NHSL1: variants seen among roughly 807,000 people sequenced by gnomAD.
The protein encoded by NHSL1 is NHS-like protein 1.
Under a neutral mutation model 95.0 loss-of-function variants are expected in NHSL1, and 48 were observed. The ratio of observed to expected loss-of-function variants is 0.51; its 90% CI spans 0.40 to 0.64. The LOEUF (loss-of-function observed/expected upper bound fraction) is 0.64, where lower values mean the gene tolerates loss of function less well. NHSL1 is among the 30% of genes least tolerant of loss of function. The pLI, the probability that NHSL1 is intolerant of heterozygous loss-of-function variation, is 0.00. For missense variants in NHSL1, 1,971 were observed against 2,077.7 expected (o/e 0.95, Z 1.00); for synonymous variants, 783 against 833.9 (o/e 0.94, Z 1.05).
chr6:138,437,445 C>CAAA (rs1202687511), intron 5 of NHSL1, among the ~76,000 whole-genome samples: 4 of 61,810 alleles, frequency 6.5e-5, no homozygotes, highest in East Asian at 4.4e-4. Context: ...CACACACACA[C>CAAA]AAAAAAAAAA....
At chr6:138,661,398 G>A (rs1428517885) in intron 1 of NHSL1, among the ~76,000 whole-genome samples, 1 of 152,010 alleles carries the variant, frequency 6.6e-6, no homozygotes, top group African/African-American at 2.4e-5. Context: ...GGGAGGCTGA[G>A]GCAGGAGAAT....
At chr6:138,480,998 T>C (rs1396055000) in intron 2 of NHSL1, among the ~76,000 whole-genome samples, 1 of 152,184 alleles carries the variant, frequency 6.6e-6, no homozygotes, top group Non-Finnish European at 1.5e-5. Flanking sequence ...AACTTCTATC[T>C]CAGTTAATAA....
chr6:138,543,121 T>C (rs939111840), intron 1 of NHSL1, among the ~76,000 whole-genome samples: 27 of 152,196 alleles, frequency 1.8e-4, no homozygotes, highest in African/African-American at 6.5e-4. Flanking sequence ...CTATTAATCA[T>C]ATTATTCGCT....
intron 1 of NHSL1, among the ~76,000 whole-genome samples, chr6:138,539,315 A>G (rs1782486992): frequency 6.6e-6 from 1 of 152,230 alleles, no homozygotes; most frequent in Non-Finnish European, 1.5e-5. Flanking sequence ...AAAGACCCTC[A>G]GGTTGTTTTC....
chr6:138,634,023 T>C (rs1319145653), intron 1 of NHSL1, among the ~76,000 whole-genome samples: 1 of 152,096 alleles, frequency 6.6e-6, no homozygotes, highest in Non-Finnish European at 1.5e-5. Flanking sequence ...TGGGTTATAA[T>C]ATTTACATGC....
chr6:138,564,039 A>C (rs2114336503), intron 1 of NHSL1, among the ~76,000 whole-genome samples: 1 of 152,216 alleles, frequency 6.6e-6, no homozygotes, highest in South Asian at 2.1e-4. Flanking sequence ...AGCCAACTTT[A>C]CTAATTGGTC....
chr6:138,573,777 C>T (rs1783917722), upstream of NHSL1, among the ~76,000 whole-genome samples: 1 of 152,220 alleles, frequency 6.6e-6, no homozygotes, highest in African/African-American at 2.4e-5. Context: ...TATGTTCATA[C>T]CCAATGTCAC....
At chr6:138,425,959 CAAAG>C (rs1350414590) in intron 7 of NHSL1, among the ~76,000 whole-genome samples, 1 of 152,180 alleles carries the variant, frequency 6.6e-6, no homozygotes, top group African/African-American at 2.4e-5. Context: ...AAGGGGCAAT[CAAAG>C]AAAGCTGAAG....
Position 138,432,612 on chromosome 6 carries a change from G to C in NHSL1, c.1733C>G (p.Pro578Arg). Residue 578 changes from proline (P) to arginine (R), a missense_variant, in exon 6 of 8, where the codon CCC (proline) becomes CGC (arginine). Pro to Arg is a moderately radical substitution (Grantham distance 103). Around this residue, in one of 3 missense-constraint regions of NHSL1, gnomAD observed 1,602 missense variants for 1,654.5 expected, o/e 0.97. Transcript: ENST00000343505. This position sits in a 1 kb window ranked among gnomAD's most constrained non-coding sequence, Gnocchi z 4.4. ...PHLATPGYSTPTSNMSSCSLD... is the reference protein window; with the variant it reads ...PHLATPGYSTRTSNMSSCSLD... ...ACTGCAGCTGCTCATGTTACTTGTG[G>C]GAGTGGAATAGCCAGGAGTTGCTAA... is the stretch of plus-strand genomic sequence containing the variant. 1 of 1,551,696 alleles carries C rather than the reference G, an allele frequency of 6.4e-7. No homozygotes were observed. Among genetic ancestry groups the C allele is most frequent in the African/African-American group, 1.4e-5 (1 of 73,142 alleles).
At position 138,432,180 on chromosome 6, in the gene NHSL1, T is replaced by C. The variant is rs1775735334; in HGVS notation, c.2165A>G (p.Gln722Arg). 1.4e-5 allele frequency: 22 copies of C among 1,546,916 alleles called. No individual in the cohort carries two copies. The highest frequency in any genetic ancestry group is 1.9e-5 in the Non-Finnish European group (22 of 1,144,364). Residue 722 changes from glutamine to arginine, a missense_variant, in exon 6 of 8, where the codon CAG becomes CGG. Around this residue, in one of 3 missense-constraint regions of NHSL1, gnomAD observed 1,602 missense variants for 1,654.5 expected, o/e 0.97. Coordinates refer to ENST00000343505, the MANE Select transcript of NHSL1 (RefSeq NM_001144060.2). This position sits in a 1 kb window ranked among gnomAD's most constrained non-coding sequence, Gnocchi z 4.4. ...CTCTTCCAAGTCACTGCAGGGGCTC[T>C]GGGAGGGCGAGCTGCCACTCTTGCC... ...LPGKSGSSPSQSPCSDLEEPW... is the reference protein window; with the variant it reads ...LPGKSGSSPSRSPCSDLEEPW...
chr6:138,545,779 G>T (rs923868134), upstream of NHSL1: 22 of 1,205,778 alleles, frequency 1.8e-5, no homozygotes, highest in African/African-American at 3.3e-4. Context: ...ACTCCAGGAA[G>T]CCACTGCCCA....
upstream of NHSL1, among the ~76,000 whole-genome samples, chr6:138,548,628 T>C (rs1470248631): frequency 6.6e-6 from 1 of 152,222 alleles, no homozygotes; most frequent in Non-Finnish European, 1.5e-5. Context: ...GTTCATGGCC[T>C]GTAAATGTGA....
chr6:138,459,434 A>G (rs932949100), intron 3 of NHSL1, among the ~76,000 whole-genome samples: 2 of 152,158 alleles, frequency 1.3e-5, no homozygotes, highest in African/African-American at 2.4e-5. Flanking sequence ...TGATTGCTGT[A>G]TATTACTTGT....
At chr6:138,618,718 C>G (rs577558627) in intron 1 of NHSL1, among the ~76,000 whole-genome samples, 1 of 152,264 alleles carries the variant, frequency 6.6e-6, no homozygotes, top group South Asian at 2.1e-4. Flanking sequence ...CTAGAATCAT[C>G]TGCTCTTTCA....
At position 138,424,895 on chromosome 6, in the gene NHSL1, C is replaced by T. The variant is rs1775159693; in HGVS notation, c.4086-79G>A. 7.6e-6 allele frequency: 9 copies of T among 1,178,044 alleles called. No homozygotes were observed. Among genetic ancestry groups the T allele is most frequent in the Admixed American group, 2.6e-5 (1 of 38,384 alleles). 73.0% of individuals were successfully genotyped at this position (1,178,044 alleles called of 1,614,324 possible). ...TCAGCCACAACCACTCTGCTCTTAT[C>T]GCATCTTCAGGTCACCATCTACTTA... On this transcript the variant is annotated intron_variant, in intron 7 of 7. Transcript: ENST00000343505. This position sits in a 1 kb window ranked among gnomAD's most constrained non-coding sequence, Gnocchi z 5.9.
At position 138,473,396 on chromosome 6, in the gene NHSL1, A is replaced by T; in HGVS notation, c.249T>A (p.Ser83=). Reference sequence around the variant, plus strand: ...AGGTGGGTCCCTGAGAGTAGTACTGAGAACTGCGGTAGCCATCATGCCGCA... The same window carrying T: ...AGGTGGGTCCCTGAGAGTAGTACTGTGAACTGCGGTAGCCATCATGCCGCA... ...DKLRHDGYRS[S]QYYSQGPTFA... The change falls in exon 3 of 8, where the codon TCT becomes TCA. Residue 83 remains serine (S), a synonymous_variant. Coordinates refer to ENST00000343505, the MANE Select transcript of NHSL1 (RefSeq NM_001144060.2). The T allele has an allele frequency of 6.5e-7, 1 of 1,537,078 alleles. No homozygotes were observed. Among genetic ancestry groups the T allele is most frequent in the Non-Finnish European group, 8.8e-7 (1 of 1,140,318 alleles).
intron 1 of NHSL1, among the ~76,000 whole-genome samples, chr6:138,541,648 C>T (rs1439021903): frequency 6.6e-6 from 1 of 152,198 alleles, no homozygotes; most frequent in Non-Finnish European, 1.5e-5. Context: ...TTTTGGCTCA[C>T]ACTGAGTTGA....
chr6:138,566,607 CATAAT>C (rs1783628096), intron 1 of NHSL1, among the ~76,000 whole-genome samples: 2 of 151,194 alleles, frequency 1.3e-5, no homozygotes, highest in Non-Finnish European at 2.9e-5. Context: ...CCATATTTTT[CATAAT>C]TTAAATGCCT....
rs571869017 is a variant in NHSL1 at position 138,513,712 on chromosome 6, T to G, written c.17-17341A>C. 2.0e-5 allele frequency among the ~76,000 whole-genome samples: 3 copies of G among 152,308 alleles called. No individual in the cohort carries two copies. The East Asian group carries it at 5.8e-4, about 29-fold the overall frequency. ...TTCCCATCATCCTTCGGGTCTCAGA[T>G]TAATTTGCCATTTCTTCAAGGTCTG... On this transcript the variant is annotated intron_variant, in intron 1 of 4. Transcript: ENST00000342260.
Sources: allele counts gnomAD v4.1 joint callset (sites outside exome capture counted in the v4.1 genomes callset), GRCh38; gene constraint gnomAD v4.1.1; regional missense constraint gnomAD v4.1.1; non-coding constraint Gnocchi (gnomAD v3.1); transcripts MANE v1.5; gene names NCBI Gene and HGNC (gene_info 2026-07-23, HGNC 2026-07-21).